The following NKAIN3 variants were observed in gnomAD, a reference collection of about 807,000 sequenced individuals.
NKAIN3 encodes the protein sodium/potassium-transporting ATPase subunit beta-1-interacting protein 3.
A neutral mutation model predicts 30.2 loss-of-function variants in NKAIN3; 25 were observed. The ratio of observed to expected loss-of-function variants is 0.83; its 90% confidence interval spans 0.60 to 1.16. The LOEUF (loss-of-function observed/expected upper bound fraction) is 1.16, where lower values mean the gene tolerates loss of function less well. Ranked by LOEUF, NKAIN3 falls within the 50% of genes most tolerant of loss-of-function variation. The pLI is 0.00. For synonymous variants in NKAIN3, 91 were observed against 89.6 expected (o/e 1.02, Z -0.09); for missense variants, 225 against 254.1 (o/e 0.89, Z 0.78).
At chr8:62,267,002 C>T (rs545177885) in intron 1 of NKAIN3, among the ~76,000 whole-genome samples, 3 of 152,218 alleles carry the variant, frequency 2.0e-5, no homozygotes, top group Admixed American at 6.5e-5. Context: ...TTGCTAAGAC[C>T]ACTGGCTTGC....
At chr8:62,392,866 A>G (rs535429310) in intron 1 of NKAIN3, among the ~76,000 whole-genome samples, 1 of 152,228 alleles carries the variant, frequency 6.6e-6, no homozygotes, top group South Asian at 2.1e-4. Context: ...AATAAAATAT[A>G]TGACTTAGAG....
chr8:62,976,131 T>C lies in NKAIN3; in HGVS notation c.*10724T>C, dbSNP rs1823935937. ...TGTGGTCGATTTTAGGAAAATGTGC[T>C]ATGTGATGCTGAGGAGAATGTATAT... On this transcript the variant is annotated 3_prime_UTR_variant, in exon 7 of 7. Coordinates refer to ENST00000623646, the MANE Select transcript of NKAIN3 (RefSeq NM_001304533.3). Among the ~76,000 whole-genome samples, 1 of 152,118 alleles carries C rather than the reference T, an allele frequency of 6.6e-6. No individual in the cohort carries two copies. The highest frequency in any genetic ancestry group is 2.4e-5 in the African/African-American group (1 of 41,438).
At chr8:62,557,192 G>C (rs1809426023) in intron 1 of NKAIN3, among the ~76,000 whole-genome samples, 1 of 152,016 alleles carries the variant, frequency 6.6e-6, no homozygotes, top group Non-Finnish European at 1.5e-5. Context: ...ACTTCACTTA[G>C]AGCAATAGTC....
At chr8:62,462,048 G>A (rs551368071) in intron 1 of NKAIN3, among the ~76,000 whole-genome samples, 28 of 151,842 alleles carry the variant, frequency 1.8e-4, no homozygotes, top group African/African-American at 6.6e-4. Context: ...CTATCAAAAG[G>A]CAAAGACCAA....
At chr8:62,605,090 G>T (rs1322852865) in intron 3 of NKAIN3, among the ~76,000 whole-genome samples, 1 of 152,088 alleles carries the variant, frequency 6.6e-6, no homozygotes, top group Non-Finnish European at 1.5e-5. Flanking sequence ...CTGCTGTAGA[G>T]CTAATGAATT....
chr8:62,278,427 G>A (rs1464598822), intron 1 of NKAIN3, among the ~76,000 whole-genome samples: 1 of 151,596 alleles, frequency 6.6e-6, no homozygotes, highest in East Asian at 1.9e-4. Flanking sequence ...TGTGCACAAC[G>A]TGCAGGTTTG....
intron 3 of NKAIN3, among the ~76,000 whole-genome samples, chr8:62,709,451 G>C (rs772693339): frequency 9.9e-4 from 151 of 152,030 alleles, no homozygotes; most frequent in Non-Finnish European, 8.7e-4. Flanking sequence ...AAGCTAGAAG[G>C]GTTGTATTTT....
intron 3 of NKAIN3, among the ~76,000 whole-genome samples, chr8:62,741,478 C>T (rs1203609303): frequency 1.3e-5 from 2 of 152,126 alleles, no homozygotes; most frequent in Admixed American, 6.6e-5. Context: ...ATAAAACTCC[C>T]ATGTGGAATG....
At chr8:62,908,243 C>A (rs945179836) in intron 4 of NKAIN3, among the ~76,000 whole-genome samples, 2 of 152,202 alleles carry the variant, frequency 1.3e-5, no homozygotes, top group East Asian at 3.8e-4. Context: ...TGTATTTACC[C>A]AATGCCTGTA....
At chr8:62,791,726 T>C (rs1242938625) in intron 4 of NKAIN3, among the ~76,000 whole-genome samples, 1 of 152,136 alleles carries the variant, frequency 6.6e-6, no homozygotes, top group African/African-American at 2.4e-5. Context: ...TGACTTTCAC[T>C]TATATAATGA....
At chr8:62,732,630 T>C (rs1815509943) in intron 3 of NKAIN3, among the ~76,000 whole-genome samples, 1 of 152,150 alleles carries the variant, frequency 6.6e-6, no homozygotes, top group Non-Finnish European at 1.5e-5. Flanking sequence ...TGACAAATAT[T>C]GATGGTGGAC....
intron 3 of NKAIN3, among the ~76,000 whole-genome samples, chr8:62,641,011 AT>A (rs111547256): frequency 0.048 from 7,021 of 146,116 alleles, 484 homozygotes; most frequent in African/African-American, 0.16. Flanking sequence ...TCATTTATTT[AT>A]TTTTTTTTTT....
At chr8:62,613,571 G>T (rs1811356340) in intron 3 of NKAIN3, among the ~76,000 whole-genome samples, 1 of 151,798 alleles carries the variant, frequency 6.6e-6, no homozygotes, top group Non-Finnish European at 1.5e-5. Context: ...TCTATGTTTG[G>T]GACTTTCTCT....
intron 3 of NKAIN3, among the ~76,000 whole-genome samples, chr8:62,728,792 C>A (rs1221715616): frequency 6.6e-6 from 1 of 151,798 alleles, no homozygotes. Flanking sequence ...AGATAGCGAC[C>A]AGCCTGGCTA....
At chr8:62,808,305 TA>T (rs1395970000) in intron 4 of NKAIN3, among the ~76,000 whole-genome samples, 1 of 152,224 alleles carries the variant, frequency 6.6e-6, no homozygotes, top group Non-Finnish European at 1.5e-5. Flanking sequence ...AGCTTTTTGT[TA>T]CTCCGAATGT....
intron 6 of NKAIN3, among the ~76,000 whole-genome samples, chr8:62,955,960 A>T (rs1358885477): frequency 6.6e-6 from 1 of 152,256 alleles, no homozygotes; most frequent in Non-Finnish European, 1.5e-5. Flanking sequence ...CTGCTTTGAC[A>T]GATTATGCAT....
At chr8:62,944,298 GT>G (rs1428711224) in intron 5 of NKAIN3, among the ~76,000 whole-genome samples, 1 of 151,764 alleles carries the variant, frequency 6.6e-6, no homozygotes, top group South Asian at 2.1e-4. Flanking sequence ...GTTAATTACT[GT>G]AATTTACTTG....
At position 62,952,603 on chromosome 8, in the gene NKAIN3, A is replaced by G. The variant is rs116961474; in HGVS notation, c.533-1299A>G. ...TCTTACAATGTCTGTGAGTATTTTT[A>G]TAAATGAATCTTCTACATTTTAGTT... is the stretch of plus-strand genomic sequence containing the variant. On this transcript the variant is annotated intron_variant, in intron 5 of 6. Transcript: ENST00000623646. 2.8e-4 allele frequency among the ~76,000 whole-genome samples: 42 copies of G among 152,324 alleles called. No homozygotes were observed. The East Asian group carries it at 7.5e-3, about 27-fold the overall frequency.
intron 6 of NKAIN3, among the ~76,000 whole-genome samples, chr8:62,956,882 C>T (rs552992040): frequency 6.6e-5 from 10 of 152,170 alleles, no homozygotes; most frequent in African/African-American, 2.2e-4. Flanking sequence ...AAATTTTATG[C>T]GGGAGGGGGA....
Sources: allele counts gnomAD v4.1 joint callset (sites outside exome capture counted in the v4.1 genomes callset), GRCh38; gene constraint gnomAD v4.1.1; transcripts MANE v1.5; gene names NCBI Gene and HGNC (gene_info 2026-07-23, HGNC 2026-07-21).